CSGALNACT1: variants seen among roughly 807,000 people sequenced by gnomAD.
CSGALNACT1 encodes beta4GalNAcT-1.
A neutral mutation model predicts 51.0 loss-of-function variants in CSGALNACT1; 52 were observed. The observed-to-expected ratio is 1.02, with a 90% CI of 0.82 to 1.29. The LOEUF (loss-of-function observed/expected upper bound fraction) is 1.29, where lower values mean the gene tolerates loss of function less well. Among genes scored for constraint, CSGALNACT1 ranks in the 50% most tolerant of loss-of-function variants. The probability of loss-of-function intolerance (pLI) is 0.00; values close to 1 mark genes in which losing one functional copy is unlikely to be tolerated. For synonymous variants in CSGALNACT1, 341 were observed against 254.4 expected (o/e 1.34, Z -3.24); for missense variants, 935 against 679.2 (o/e 1.38, Z -4.19).
chr8:19,718,912 C>A (rs1462811273), intron 1 of CSGALNACT1, among the ~76,000 whole-genome samples: 1 of 152,200 alleles, frequency 6.6e-6, no homozygotes, highest in Non-Finnish European at 1.5e-5. Context: ...CTAAGATGTC[C>A]TGACGTATTA....
intron 5 of CSGALNACT1, among the ~76,000 whole-genome samples, chr8:19,453,863 G>A (rs2063609897): frequency 6.9e-6 from 1 of 145,230 alleles, no homozygotes; most frequent in Non-Finnish European, 1.5e-5. Flanking sequence ...AGTGAGCCAA[G>A]AATGTGCCAC....
At chr8:19,447,392 T>C (rs1399955557) in intron 5 of CSGALNACT1, among the ~76,000 whole-genome samples, 2 of 152,168 alleles carry the variant, frequency 1.3e-5, no homozygotes, top group Non-Finnish European at 2.9e-5. Context: ...GAGTTTCTGA[T>C]GGGAACCAGA....
intron 1 of CSGALNACT1, among the ~76,000 whole-genome samples, chr8:19,681,045 T>A (rs996099023): frequency 6.6e-6 from 1 of 152,136 alleles, no homozygotes; most frequent in African/African-American, 2.4e-5. Flanking sequence ...CTCCATGTTA[T>A]ACAAGGGACT....
exon 1 of CSGALNACT1, chr8:19,602,339 T>G (rs1045736285): frequency 1.3e-5 from 2 of 151,862 alleles, no homozygotes; most frequent in Admixed American, 1.3e-4. Context: ...AACGGTTTCA[T>G]GAAATGAAAT....
chr8:19,668,734 T>C (rs761527786), intron 1 of CSGALNACT1, among the ~76,000 whole-genome samples: 3 of 152,044 alleles, frequency 2.0e-5, no homozygotes, highest in African/African-American at 7.3e-5. Flanking sequence ...TTTGGATTAT[T>C]AGGAGATGGG....
At chr8:19,425,012 C>A (rs542509913) in intron 6 of CSGALNACT1, among the ~76,000 whole-genome samples, 9 of 152,260 alleles carry the variant, frequency 5.9e-5, no homozygotes, top group African/African-American at 1.9e-4. Flanking sequence ...ACTCACCATG[C>A]CAAAAGGAGA....
At chr8:19,718,847 C>A (rs1263803455) in intron 1 of CSGALNACT1, among the ~76,000 whole-genome samples, 1 of 152,208 alleles carries the variant, frequency 6.6e-6, no homozygotes, top group Non-Finnish European at 1.5e-5. Context: ...TCTCAGACCA[C>A]AGGAATGAAC....
chr8:19,565,584 T>C (rs6980949), intron 3 of CSGALNACT1, among the ~76,000 whole-genome samples: 4,583 of 152,258 alleles, frequency 0.03, 224 homozygotes, highest in African/African-American at 0.1. Context: ...TCCAGCTTCA[T>C]TGGTTGTACT....
rs1352583346 is a variant in CSGALNACT1, at chr8:19,537,016, C to T, written c.-296-30886G>A. Among the ~76,000 whole-genome samples the T allele has an allele frequency of 2.6e-5, 4 of 152,110 alleles. No individual in the cohort carries two copies. The East Asian group carries it at 7.7e-4, about 29-fold the overall frequency. On this transcript the variant is annotated intron_variant, in intron 3 of 9. Coordinates refer to ENST00000454498, the Ensembl canonical transcript of CSGALNACT1. ...CCCCTCCAACCGACAAACTGATCTC[C>T]TCTTGGCCAATGGGATCCCAGAGAA...
At chr8:19,473,884 C>G (rs2068777805) in intron 4 of CSGALNACT1, among the ~76,000 whole-genome samples, 1 of 152,186 alleles carries the variant, frequency 6.6e-6, no homozygotes, top group Non-Finnish European at 1.5e-5. Context: ...GCCCAGAAAA[C>G]AGGTCACAAT....
intron 1 of CSGALNACT1, among the ~76,000 whole-genome samples, chr8:19,649,442 C>G (rs1010741115): frequency 6.6e-6 from 1 of 152,052 alleles, no homozygotes; most frequent in Non-Finnish European, 1.5e-5. Context: ...TTTTTTTACT[C>G]TGCCTTCTGG....
At chr8:19,701,161 T>TTTTTTTTTG (rs2061854144) in intron 1 of CSGALNACT1, among the ~76,000 whole-genome samples, 1 of 138,732 alleles carries the variant, frequency 7.2e-6, no homozygotes, top group Non-Finnish European at 1.6e-5. Flanking sequence ...CCGTTTTTTT[T>TTTTTTTTTG]TTTTTTTTTT....
At chr8:19,720,228 AC>A (rs771127753) in intron 1 of CSGALNACT1, among the ~76,000 whole-genome samples, 8 of 152,222 alleles carry the variant, frequency 5.3e-5, no homozygotes, top group Non-Finnish European at 1.2e-4. Context: ...GTTTTCCATT[AC>A]AGGCAGCCAA....
At chr8:19,655,649 G>A (rs2058207169) in intron 1 of CSGALNACT1, among the ~76,000 whole-genome samples, 1 of 151,866 alleles carries the variant, frequency 6.6e-6, no homozygotes. Context: ...TCAAACTCCT[G>A]TCCTCAAGTG....
At chr8:19,534,131 G>T (rs116518475) in intron 3 of CSGALNACT1, among the ~76,000 whole-genome samples, 12 of 152,224 alleles carry the variant, frequency 7.9e-5, no homozygotes, top group African/African-American at 1.7e-4. Flanking sequence ...CTTGATGTTA[G>T]CAAGTTCATA....
At chr8:19,674,420 T>C (rs1322802954) in intron 1 of CSGALNACT1, among the ~76,000 whole-genome samples, 2 of 151,932 alleles carry the variant, frequency 1.3e-5, no homozygotes, top group Admixed American at 6.6e-5. Context: ...CCTGCAGATA[T>C]GGTGGCAGGG....
chr8:19,743,753 A>G (rs958263450), intron 1 of CSGALNACT1, among the ~76,000 whole-genome samples: 1 of 152,236 alleles, frequency 6.6e-6, no homozygotes, highest in Non-Finnish European at 1.5e-5. Context: ...GGCTCCATTG[A>G]ATAAAATTAA....
chr8:19,734,813 T>G, intron 1 of CSGALNACT1, among the ~76,000 whole-genome samples: 1 of 152,180 alleles, frequency 6.6e-6, no homozygotes, highest in East Asian at 1.9e-4. Context: ...ACGCACATAA[T>G]ATATACATAT....
chr8:19,745,851 G>C (rs560435712), intron 1 of CSGALNACT1, among the ~76,000 whole-genome samples: 1 of 152,250 alleles, frequency 6.6e-6, no homozygotes, highest in Non-Finnish European at 1.5e-5. Flanking sequence ...ACTAAAATTA[G>C]GGGTTTATAT....
Sources: allele counts gnomAD v4.1 joint callset (sites outside exome capture counted in the v4.1 genomes callset), GRCh38; gene constraint gnomAD v4.1.1; transcripts MANE v1.5; gene names NCBI Gene and HGNC (gene_info 2026-07-23, HGNC 2026-07-21).